CDS2: variants seen among roughly 807,000 people sequenced by gnomAD.
The protein encoded by CDS2 is CDP-diacylglycerol synthase 2, also known as phosphatidate cytidylyltransferase 2.
CDS2 carries 47 observed loss-of-function variants against 59.0 expected under a neutral mutation model. That is an observed-to-expected ratio of 0.80 (90% CI 0.63 to 1.02). The LOEUF is 1.02. Among genes scored for constraint, CDS2 ranks in the 50% least tolerant of loss-of-function variants. The probability of loss-of-function intolerance (pLI) is 0.00; values close to 1 mark genes in which losing one functional copy is unlikely to be tolerated. For missense variants in CDS2, 356 were observed against 558.9 expected (o/e 0.64, Z 3.66); for synonymous variants, 207 against 206.4 (o/e 1.00, Z -0.02).
chr20:5,154,344 A>G (rs1054144107), intron 1 of CDS2, among the ~76,000 whole-genome samples: 3 of 152,002 alleles, frequency 2.0e-5, no homozygotes, highest in Non-Finnish European at 4.4e-5. Flanking sequence ...TGGGTTCACC[A>G]CCCTTGGTAG....
At chr20:5,154,752 A>G (rs1020726734) in intron 1 of CDS2, among the ~76,000 whole-genome samples, 32 of 152,108 alleles carry the variant, frequency 2.1e-4, no homozygotes, top group African/African-American at 6.8e-4. Flanking sequence ...GGCTCAAGAG[A>G]TCCTCCCACC....
At chr20:5,154,469 C>T (rs1290273998) in intron 1 of CDS2, among the ~76,000 whole-genome samples, 1 of 152,182 alleles carries the variant, frequency 6.6e-6, no homozygotes, top group African/African-American at 2.4e-5. Flanking sequence ...CTCTTCCACT[C>T]TGAGCATTCG....
intron 1 of CDS2, among the ~76,000 whole-genome samples, chr20:5,137,290 C>T (rs1014769615): frequency 2.0e-5 from 3 of 150,502 alleles, no homozygotes; most frequent in Non-Finnish European, 4.4e-5. Flanking sequence ...GTCGCCCAGG[C>T]TGGAGTGCAG....
At chr20:5,171,235 G>A (rs1387318854) in intron 1 of CDS2, among the ~76,000 whole-genome samples, 2 of 152,204 alleles carry the variant, frequency 1.3e-5, no homozygotes, top group Admixed American at 6.5e-5. Flanking sequence ...CTCGCAGGAC[G>A]CTGCCTGGGT....
At chr20:5,179,173 G>C (rs1162233673) in intron 5 of CDS2, among the ~76,000 whole-genome samples, 1 of 148,790 alleles carries the variant, frequency 6.7e-6, no homozygotes, top group Non-Finnish European at 1.5e-5. Flanking sequence ...CCAGGCCAGA[G>C]TGCAGTGGCA....
intron 1 of CDS2, among the ~76,000 whole-genome samples, chr20:5,134,730 A>C (rs2090634794): frequency 1.3e-5 from 2 of 152,132 alleles, no homozygotes; most frequent in African/African-American, 2.4e-5. Flanking sequence ...CATGTTGGCC[A>C]GGCTGGTCTC....
Position 5,193,194 on chromosome 20 carries a change from T to C in CDS2, c.*2960T>C, listed in dbSNP as rs1413559345. The C allele has an allele frequency of 1.3e-5, 2 of 152,258 alleles. No homozygotes were observed. The highest frequency in any genetic ancestry group is 2.9e-5 in the Non-Finnish European group (2 of 68,046). The allele number at this position is 152,258 out of a possible 1,614,324, so 9.4% of individuals were successfully genotyped here. ...CGCATGCTGCCCTCTTAACTGCTTT[T>C]AGTATTCAGAAAGGTTCCATTTATG... On this transcript the variant is annotated 3_prime_UTR_variant, in exon 13 of 13. Transcript: ENST00000460006.
Position 5,186,732 on chromosome 20 carries a change from G to T in CDS2, c.874G>T (p.Glu292Ter). Residue 292 changes from glutamate to a stop codon, truncating the protein, a stop_gained, in exon 10 of 13, where the codon GAG becomes TAG. Coordinates refer to ENST00000460006, the MANE Select transcript of CDS2 (RefSeq NM_003818.4). LOFTEE classifies it high-confidence loss of function. ...GTACAGATGCTTTGTCTGCCCTGTG[G>T]AGTACAACAATGACACCAACAGCTT... is the stretch of plus-strand genomic sequence containing the variant. ...SGYRCFVCPV[E>*]YNNDTNSFTV... 5 of 1,614,128 alleles carry T rather than the reference G, an allele frequency of 3.1e-6. No homozygotes were observed. The highest frequency in any genetic ancestry group is 4.2e-6 in the Non-Finnish European group (5 of 1,180,022).
rs1053391316 is a variant in CDS2 at position 5,190,907 on chromosome 20, AAAC to A, written c.*675_*677del. 1 of 152,602 alleles carries A rather than the reference AAAC, an allele frequency of 6.6e-6. No individual in the cohort carries two copies. The highest frequency in any genetic ancestry group is 1.5e-5 in the Non-Finnish European group (1 of 68,038). 9.5% of individuals were successfully genotyped at this position (152,602 alleles called of 1,614,324 possible). ...AATTATTTATAATAGTCTGGAGAAA[AAAC>A]ACACTGTAATATTTCAAGTGTATGC... On this transcript the variant is annotated 3_prime_UTR_variant, in exon 13 of 13. Coordinates refer to ENST00000460006, the MANE Select transcript of CDS2 (RefSeq NM_003818.4).
rs2091109878 is a variant in CDS2, at chr20:5,190,957, G to A, written c.*723G>A. On this transcript the variant is annotated 3_prime_UTR_variant, in exon 13 of 13. Coordinates refer to ENST00000460006, the MANE Select transcript of CDS2 (RefSeq NM_003818.4). Reference sequence around the variant, plus strand: ...ATGCAGTAGAATGTACTGTAACTGAGCCCTTTCCCACATGTCTAGGCTCCA... The same window carrying A: ...ATGCAGTAGAATGTACTGTAACTGAACCCTTTCCCACATGTCTAGGCTCCA... 1 of 152,572 alleles carries A rather than the reference G, an allele frequency of 6.6e-6. No homozygotes were observed. Among genetic ancestry groups the A allele is most frequent in the Non-Finnish European group, 1.5e-5 (1 of 68,020 alleles). The allele number at this position is 152,572 out of a possible 1,614,324, so 9.5% of individuals were successfully genotyped here. A position where few individuals can be genotyped will look rare whatever the true frequency, so the allele number is the denominator to read the frequency against.
chr20:5,137,969 G>T (rs755309721), intron 1 of CDS2, among the ~76,000 whole-genome samples: 70 of 151,132 alleles, frequency 4.6e-4, no homozygotes, highest in Non-Finnish European at 8.3e-4. Flanking sequence ...CAGCTAATTT[G>T]CATATTTTTA....
At chr20:5,158,040 T>A (rs2090847011) in intron 1 of CDS2, among the ~76,000 whole-genome samples, 2 of 152,124 alleles carry the variant, frequency 1.3e-5, no homozygotes, top group Admixed American at 6.5e-5. Flanking sequence ...TTGTTTTTTG[T>A]TTGTTTGCTT....
In CDS2 at chr20:5,173,544, G is replaced by A; in HGVS notation, c.79G>A (p.Val27Ile). Residue 27 changes from valine (V) to isoleucine (I), a missense_variant, in exon 2 of 13, where the codon GTA (valine) becomes ATA (isoleucine). Transcript: ENST00000460006. ...EDKESESEAK[V>I]DGETASDSES... ...TTAGGAGTCAGAGTCAGAAGCAAAG[G>A]TAGATGGAGAGACTGCATCGGACAG... 1 of 1,614,236 alleles carries A rather than the reference G, an allele frequency of 6.2e-7. No individual in the cohort carries two copies. Among genetic ancestry groups the A allele is most frequent in the African/African-American group, 1.3e-5 (1 of 75,062 alleles).
At chr20:5,152,091 A>C (rs6076782) in intron 1 of CDS2, among the ~76,000 whole-genome samples, 70,511 of 151,006 alleles carry the variant, frequency 0.47, 16,822 homozygotes, top group South Asian at 0.62. Flanking sequence ...AAAAAAAAAA[A>C]AAACAAAAAA....
intron 9 of CDS2, 128 bp from the exon 10 acceptor site, chr20:5,186,559 C>A: frequency 1.3e-6 from 1 of 790,858 alleles, no homozygotes. Context: ...ACATGAACCT[C>A]TGAGCACATA....
chr20:5,135,315 C>G (rs1288734138), intron 1 of CDS2, among the ~76,000 whole-genome samples: 1 of 152,164 alleles, frequency 6.6e-6, no homozygotes, highest in Non-Finnish European at 1.5e-5. Context: ...TCACACTTTT[C>G]CATCTTTTCT....
chr20:5,140,748 A>G (rs1232232972), intron 1 of CDS2, among the ~76,000 whole-genome samples: 1 of 152,230 alleles, frequency 6.6e-6, no homozygotes, highest in African/African-American at 2.4e-5. Context: ...TGAGGCAGTA[A>G]TCATCAATGC....
chr20:5,134,671 C>G (rs981618132), intron 1 of CDS2, among the ~76,000 whole-genome samples: 5 of 152,126 alleles, frequency 3.3e-5, no homozygotes, highest in Admixed American at 6.5e-5. Flanking sequence ...CAGGCGCCCA[C>G]CATCACACCC....
intron 1 of CDS2, among the ~76,000 whole-genome samples, chr20:5,159,865 G>A (rs2090863632): frequency 6.6e-6 from 1 of 152,126 alleles, no homozygotes; most frequent in Admixed American, 6.5e-5. Context: ...ATGGGGTTGT[G>A]CACCTGTGTA....
Sources: allele counts gnomAD v4.1 joint callset (sites outside exome capture counted in the v4.1 genomes callset), GRCh38; gene constraint gnomAD v4.1.1; transcripts MANE v1.5; gene names NCBI Gene and HGNC (gene_info 2026-07-23, HGNC 2026-07-21).